PLD3: variants seen among roughly 807,000 people sequenced by gnomAD.
The protein encoded by PLD3 is 5'-3' exonuclease PLD3.
In PLD3, 31 loss-of-function variants were observed where a neutral mutation model predicts 58.4. That is an observed-to-expected ratio of 0.53 (90% CI 0.40 to 0.72). The LOEUF (loss-of-function observed/expected upper bound fraction) is 0.72, where lower values mean the gene tolerates loss of function less well. Ranked by LOEUF, PLD3 falls within the 30% of genes least tolerant of loss-of-function variation. The probability of loss-of-function intolerance (pLI) is 0.00; values close to 1 mark genes in which losing one functional copy is unlikely to be tolerated. For missense variants in PLD3, 595 were observed against 659.8 expected (o/e 0.90, Z 1.08); for synonymous variants, 264 against 273.4 (o/e 0.97, Z 0.34).
In PLD3 at chr19:40,364,028, C is replaced by T. The variant is rs79481906; in HGVS notation, c.-278-1690C>T. Among the ~76,000 whole-genome samples the T allele has an allele frequency of 3.8e-3, 571 of 152,224 alleles. 5 individuals carry two copies. The highest frequency in any genetic ancestry group is 0.013 in the African/African-American group (547 of 41,546). On this transcript the variant is annotated intron_variant, in intron 1 of 12. Coordinates refer to ENST00000409735, the MANE Select transcript of PLD3 (RefSeq NM_012268.4). The stretch of plus-strand genomic sequence containing the variant: ...AACCTACACCGAGATATTTTCTATA[C>T]TTCTCTGAAAATAGCTTATGTTTCA...
chr19:40,353,853 C>T (rs914880069), intron 1 of PLD3, among the ~76,000 whole-genome samples: 2 of 151,760 alleles, frequency 1.3e-5, no homozygotes, highest in African/African-American at 4.8e-5. Context: ...GCTGGGATTA[C>T]AGGCGTGAGC....
chr19:40,365,007 A>G (rs111249116), intron 1 of PLD3, among the ~76,000 whole-genome samples: 8 of 152,282 alleles, frequency 5.3e-5, no homozygotes, highest in African/African-American at 1.9e-4. Flanking sequence ...ATAAAAAGCA[A>G]TCTTGACCTA....
At chr19:40,349,676 C>A (rs763810157) in intron 1 of PLD3, among the ~76,000 whole-genome samples, 1 of 152,158 alleles carries the variant, frequency 6.6e-6, no homozygotes, top group African/African-American at 2.4e-5. Context: ...ATGTCACCCT[C>A]GGCCGGGTGC....
chr19:40,363,535 A>G (rs1270502739), intron 1 of PLD3, among the ~76,000 whole-genome samples: 3 of 152,180 alleles, frequency 2.0e-5, no homozygotes, highest in Non-Finnish European at 2.9e-5. Flanking sequence ...GGTTCAAGCA[A>G]TTCTCCTGCC....
intron 8 of PLD3, chr19:40,371,439 C>T (rs2079064925): frequency 1.8e-6 from 1 of 550,328 alleles, no homozygotes; most frequent in African/African-American, 1.9e-5. Flanking sequence ...GAAGCTAGCT[C>T]AGTGGAGGGT....
chr19:40,350,669 A>G (rs2078489448), intron 1 of PLD3, among the ~76,000 whole-genome samples: 2 of 150,866 alleles, frequency 1.3e-5, no homozygotes, highest in African/African-American at 2.4e-5. Flanking sequence ...GCTTGAACCC[A>G]GGAGGCGGAG....
rs760486649 is a variant in PLD3, at chr19:40,366,704, C to A, written c.102+20C>A. ...GAAAAGGTAGGAGCCCTCCGCCACCCTCGCTCTGTCTCAGAGACAGGCTGG... is the reference window on the plus strand; with the variant it reads ...GAAAAGGTAGGAGCCCTCCGCCACCATCGCTCTGTCTCAGAGACAGGCTGG... On this transcript the variant is annotated intron_variant, in intron 4 of 12. Transcript: ENST00000409735. 9 of 1,613,624 alleles carry A rather than the reference C, an allele frequency of 5.6e-6. No homozygotes were observed. The highest frequency in any genetic ancestry group is 6.8e-6 in the Non-Finnish European group (8 of 1,179,814).
chr19:40,366,739 C>A (rs758575587), intron 4 of PLD3, 34 bp from the exon 5 acceptor site: 31 of 1,613,820 alleles, frequency 1.9e-5, no homozygotes, highest in South Asian at 1.1e-5. Flanking sequence ...GGCTGCCCCC[C>A]TCGGGCTGGC....
At chr19:40,367,025 TGAG>T in intron 5 of PLD3, 110 bp downstream of exon 5, 1 of 1,295,254 alleles carries the variant, frequency 7.7e-7, no homozygotes, top group African/African-American at 1.5e-5. Context: ...TTGCGACAAG[TGAG>T]GAGGTTGCAG....
intron 1 of PLD3, among the ~76,000 whole-genome samples, chr19:40,362,117 G>A (rs527858597): frequency 1.5e-4 from 23 of 152,126 alleles, no homozygotes; most frequent in Non-Finnish European, 2.5e-4. Context: ...CATTACAGGC[G>A]TGAGACACCG....
intron 1 of PLD3, among the ~76,000 whole-genome samples, chr19:40,353,562 T>TTTTGC (rs984006984): frequency 6.8e-6 from 1 of 147,524 alleles, no homozygotes; most frequent in Admixed American, 6.8e-5. Flanking sequence ...CATGTTATTA[T>TTTTGC]TTTTCTTTTC....
intron 6 of PLD3, among the ~76,000 whole-genome samples, chr19:40,368,795 C>T (rs2145689977): frequency 6.6e-6 from 1 of 152,084 alleles, no homozygotes; most frequent in East Asian, 1.9e-4. Context: ...TGTTGTGGTG[C>T]ATGCCTGCAG....
chr19:40,374,752 G>A lies in PLD3; in HGVS notation c.1019+132G>A, dbSNP rs2079152173. 10 of 956,962 alleles carry A rather than the reference G, an allele frequency of 1.0e-5. No individual in the cohort carries two copies. In the East Asian group the frequency reaches 2.4e-4, roughly 23 times the overall value. 59.3% of individuals were successfully genotyped at this position (956,962 alleles called of 1,614,324 possible). On this transcript the variant is annotated intron_variant, in intron 10 of 12. Transcript: ENST00000409735. ...GGAAGAGAAGCTGCAGGGAGAGACA[G>A]TCACCAGGAGGTGACCGGAAGAAGG...
In PLD3 at chr19:40,366,656, A is replaced by C; in HGVS notation, c.74A>C (p.Glu25Ala). Residue 25 changes from glutamate (E) to alanine (A), a missense_variant, in exon 4 of 13, where the codon GAG becomes GCG. Glu to Ala is a moderately radical substitution (Grantham distance 107). Transcript: ENST00000409735. ...EEPANELPMN[E>A]IEAWKAAEKK... ...CCCGCCAATGAGCTGCCCATGAATG[A>C]GATTGAGGCGTGGAAGGCTGCGGAA... The C allele has an allele frequency of 6.3e-7, 1 of 1,596,888 alleles. No homozygotes were observed. Among genetic ancestry groups the C allele is most frequent in the Admixed American group, 1.7e-5 (1 of 58,392 alleles).
At chr19:40,375,360 A>G (rs1282191547) in intron 10 of PLD3, among the ~76,000 whole-genome samples, 1 of 151,216 alleles carries the variant, frequency 6.6e-6, no homozygotes, top group African/African-American at 2.4e-5. Flanking sequence ...GATAAGAAGG[A>G]TAACAACCGG....
At chr19:40,355,266 C>T (rs1176016907) in intron 1 of PLD3, among the ~76,000 whole-genome samples, 1 of 152,028 alleles carries the variant, frequency 6.6e-6, no homozygotes, top group East Asian at 1.9e-4. Context: ...TCCCTCACTC[C>T]CTTAGTAGAA....
intron 1 of PLD3, among the ~76,000 whole-genome samples, chr19:40,350,695 G>A (rs1247316667): frequency 6.7e-6 from 1 of 150,324 alleles, no homozygotes; most frequent in Non-Finnish European, 1.5e-5. Context: ...AGTGAGTTGA[G>A]ATCGCACCAC....
rs2145710875 is a variant in PLD3 at position 40,377,836 on chromosome 19, C to T, written c.1236C>T (p.Ala412=). 1 of 1,613,894 alleles carries T rather than the reference C, an allele frequency of 6.2e-7. No individual in the cohort carries two copies. Among genetic ancestry groups the T allele is most frequent in the East Asian group, 2.2e-5 (1 of 44,880 alleles). ...ADEAQARIPY[A]RVNHNKYMVT... ...AGGCCCAGGCTCGAATCCCATATGC[C>T]CGTGTCAACCACAACAAGTACATGG... is the stretch of plus-strand genomic sequence containing the variant. Residue 412 remains alanine (A), a synonymous_variant, in exon 12 of 13, where the codon GCC becomes GCT. Transcript: ENST00000409735.
intron 1 of PLD3, chr19:40,359,433 G>A (rs1568654794): frequency 6.6e-6 from 1 of 152,192 alleles, no homozygotes. Context: ...GAGCCCCATG[G>A]AGGTTCTAGG....
Sources: gnomAD v4.1 joint callset for allele counts (sites outside exome capture counted in the v4.1 genomes callset) on GRCh38, gnomAD v4.1.1 for gene constraint, MANE v1.5 for transcripts, NCBI Gene and HGNC (gene_info 2026-07-23, HGNC 2026-07-21) for gene names.